SPINK5: variants seen among roughly 807,000 people sequenced by gnomAD.
SPINK5 encodes serine peptidase inhibitor Kazal type 5.
In SPINK5, 125 loss-of-function variants were observed where a neutral mutation model predicts 151.8. The ratio of observed to expected loss-of-function variants is 0.82; its 90% CI spans 0.71 to 0.96. The LOEUF (loss-of-function observed/expected upper bound fraction) is 0.96, where lower values mean the gene tolerates loss of function less well. SPINK5 is among the 40% of genes least tolerant of loss of function. SPINK5 has a pLI of 0.00. For synonymous variants in SPINK5, 374 were observed against 395.3 expected, an observed-to-expected ratio of 0.95 and a Z score of 0.64; for missense variants, 1,194 against 1,291.9, an observed-to-expected ratio of 0.92 and a Z score of 1.16.
chr5:148,087,533 T>C (rs889624044), intron 5 of SPINK5, among the ~76,000 whole-genome samples: 1 of 151,860 alleles, frequency 6.6e-6, no homozygotes, highest in South Asian at 2.1e-4. Context: ...TTTAAAATTA[T>C]GTCCTCAACT....
chr5:148,086,932 TTA>T (rs1753173183), intron 5 of SPINK5, among the ~76,000 whole-genome samples: 3 of 124,970 alleles, frequency 2.4e-5, no homozygotes, highest in Non-Finnish European at 4.9e-5. Flanking sequence ...AAGTTATAGA[TTA>T]TATGATTATC....
intron 20 of SPINK5, 127 bp from the exon 21 acceptor site, chr5:148,114,235 T>G (rs1754021540): frequency 9.3e-7 from 1 of 1,077,910 alleles, no homozygotes; most frequent in Middle Eastern, 3.4e-4. Flanking sequence ...ACACTATAAC[T>G]GCCAGAAAAA....
At chr5:148,097,745 T>C (rs1753506939) in intron 10 of SPINK5, 122 bp from the exon 11 acceptor site, 1 of 1,041,930 alleles carries the variant, frequency 9.6e-7, no homozygotes, top group Admixed American at 2.4e-5. Flanking sequence ...TTTTGGATGG[T>C]CCTAAATCTT....
chr5:148,121,143 CA>C (rs767012594), intron 26 of SPINK5, among the ~76,000 whole-genome samples: 170 of 68,646 alleles, frequency 2.5e-3, no homozygotes, highest in African/African-American at 0.011. Flanking sequence ...GACTCTGTCT[CA>C]AAAAAAAAAA....
chr5:148,111,187 C>T (rs147261186), intron 18 of SPINK5, among the ~76,000 whole-genome samples: 1 of 151,548 alleles, frequency 6.6e-6, no homozygotes, highest in South Asian at 2.1e-4. Context: ...CTTGGACCCC[C>T]CTTCTCTGTC....
chr5:148,128,214 C>CA (rs1460195996), intron 30 of SPINK5, among the ~76,000 whole-genome samples: 1 of 74,124 alleles, frequency 1.3e-5, no homozygotes, highest in African/African-American at 6.9e-5. Context: ...GAGCTATTAA[C>CA]AAAATATGTT....
At chr5:148,066,691 G>A (rs1423006) in intron 2 of SPINK5, among the ~76,000 whole-genome samples, 106,528 of 151,890 alleles carry the variant, frequency 0.7, 37,806 homozygotes, top group East Asian at 0.91. Context: ...TTTATACTGG[G>A]AAAAAAGAAG....
At chr5:148,110,313 T>C (rs17107754) in intron 18 of SPINK5, among the ~76,000 whole-genome samples, 22,237 of 152,042 alleles carry the variant, frequency 0.15, 2,148 homozygotes, top group East Asian at 0.32. Context: ...GGGTGTTCCA[T>C]ACTGGAGAGT....
rs1754228421 is a variant in SPINK5 at position 148,120,482 on chromosome 5, G to T, written c.2538+91G>T. ...CAAATATTTGTGAAATGCTGACTCT[G>T]TCCCAATCATTGGTGATATAACGGT... On this transcript the variant is annotated intron_variant, in intron 26 of 32. Coordinates refer to ENST00000256084, the MANE Select transcript of SPINK5 (RefSeq NM_006846.4). The T allele has an allele frequency of 7.6e-6, 11 of 1,449,654 alleles. No individual in the cohort carries two copies. The South Asian group carries it at 1.4e-4, about 18-fold the overall frequency. 89.8% of individuals were successfully genotyped at this position (1,449,654 alleles called of 1,614,324 possible). A position where few individuals can be genotyped will look rare whatever the true frequency, so the allele number is the denominator to read the frequency against.
Position 148,135,813 on chromosome 5 carries a change from G to A in SPINK5, c.3187-1170G>A, listed in dbSNP as rs140912841. On this transcript the variant is annotated intron_variant, in intron 32 of 32. Transcript: ENST00000256084. ...CAAGAATAGAATAAGAGTCCAGGCAGTCACAAGTTTCTTGGAAAAGTAGGT... is the reference window on the plus strand; with the variant it reads ...CAAGAATAGAATAAGAGTCCAGGCAATCACAAGTTTCTTGGAAAAGTAGGT... Among the ~76,000 whole-genome samples, 526 of 152,278 alleles carry A rather than the reference G, an allele frequency of 3.5e-3. 2 individuals are homozygous for A. Among genetic ancestry groups the A allele is most frequent in the Non-Finnish European group, 5.6e-3 (381 of 68,022 alleles).
At chr5:148,121,017 C>T (rs1347889944) in intron 26 of SPINK5, among the ~76,000 whole-genome samples, 2 of 151,150 alleles carry the variant, frequency 1.3e-5, no homozygotes, top group Non-Finnish European at 3.0e-5. Flanking sequence ...CGATGGCGGG[C>T]GCCTATAGTC....
intron 4 of SPINK5, among the ~76,000 whole-genome samples, chr5:148,084,015 TTTC>T (rs1753089680): frequency 6.6e-6 from 1 of 152,022 alleles, no homozygotes; most frequent in East Asian, 1.9e-4. Context: ...TTATAACTTC[TTTC>T]TTGTTATTGT....
intron 2 of SPINK5, among the ~76,000 whole-genome samples, chr5:148,068,242 A>G (rs1044621010): frequency 6.6e-6 from 1 of 152,110 alleles, no homozygotes; most frequent in African/African-American, 2.4e-5. Flanking sequence ...TCTTAGAGAT[A>G]TTTAAGCATG....
Position 148,070,461 on chromosome 5 carries a change from G to GTTTC in SPINK5, c.209+24_209+27dup, listed in dbSNP as rs767861897. ...GTGCAAAATGATACTGTGAGTAAAG[G>GTTTC]TTTCTTTCTTTCTTTCCAATGTTTG... On this transcript the variant is annotated intron_variant, in intron 3 of 32. Coordinates refer to ENST00000256084, the MANE Select transcript of SPINK5 (RefSeq NM_006846.4). 1.2e-6 allele frequency: 2 copies of GTTTC among 1,611,686 alleles called. No homozygotes were observed. The highest frequency in any genetic ancestry group is 1.7e-6 in the Non-Finnish European group (2 of 1,178,492).
intron 4 of SPINK5, among the ~76,000 whole-genome samples, chr5:148,079,602 A>G (rs1752967505): frequency 6.6e-6 from 1 of 151,264 alleles, no homozygotes; most frequent in Admixed American, 6.6e-5. Context: ...GTTTGGGAAC[A>G]GAAAATCTAT....
intron 4 of SPINK5, among the ~76,000 whole-genome samples, chr5:148,080,936 C>T (rs1581059801): frequency 6.6e-6 from 1 of 151,544 alleles, no homozygotes; most frequent in Non-Finnish European, 1.5e-5. Context: ...AAACCTCTTA[C>T]AACCTTATTA....
At chr5:148,072,628 C>T (rs1752769698) in intron 4 of SPINK5, among the ~76,000 whole-genome samples, 1 of 151,990 alleles carries the variant, frequency 6.6e-6, no homozygotes, top group Non-Finnish European at 1.5e-5. Flanking sequence ...ATGTTTTCAT[C>T]TGTAAAATGA....
Position 148,089,535 on chromosome 5 carries a change from A to G in SPINK5, c.516A>G (p.Arg172=), listed in dbSNP as rs1753252115. 2 of 1,612,068 alleles carry G rather than the reference A, an allele frequency of 1.2e-6. No individual in the cohort carries two copies. The highest frequency in any genetic ancestry group is 1.7e-6 in the Non-Finnish European group (2 of 1,178,710). The change falls in exon 7 of 33, where the codon AGA becomes AGG. Residue 172 remains arginine (R), a synonymous_variant. Transcript: ENST00000256084. ...SAFRPFVRDG[R]LGCTRENDPV... ...TTCGGCCCTTTGTTAGAGATGGAAG[A>G]CTTGGATGCACAAGGGAAAATGATC... is the stretch of plus-strand genomic sequence containing the variant.
In SPINK5 at chr5:148,100,468, A is replaced by T. The variant is rs1753607783; in HGVS notation, c.1107A>T (p.Glu369Asp). 2.5e-6 allele frequency: 4 copies of T among 1,612,088 alleles called. No homozygotes were observed. The highest frequency in any genetic ancestry group is 3.4e-6 in the Non-Finnish European group (4 of 1,178,392). ...KATSYAELCSEYRKLVRNGKL... is the reference protein window; with the variant it reads ...KATSYAELCSDYRKLVRNGKL... ...TATCTCGGCAGGAGCTTTGCAGTGA[A>T]TATCGAAAGCTTGTGAGGAACGGAA... The change falls in exon 13 of 33, where the codon GAA (glutamate) becomes GAT (aspartate). Residue 369 changes from glutamate (E) to aspartate (D), a missense_variant. Transcript: ENST00000256084.
Sources: allele counts gnomAD v4.1 joint callset (sites outside exome capture counted in the v4.1 genomes callset), GRCh38; gene constraint gnomAD v4.1.1; transcripts MANE v1.5; gene names NCBI Gene and HGNC (gene_info 2026-07-23, HGNC 2026-07-21).